ADARB1: variants seen among roughly 807,000 people sequenced by gnomAD.
ADARB1 encodes adenosine deaminase RNA specific B1, also known as double-stranded RNA-specific editase 1.
Under a neutral mutation model 52.4 loss-of-function variants are expected in ADARB1, and 10 were observed. The ratio of observed to expected loss-of-function variants is 0.19; its 90% CI spans 0.12 to 0.32. The LOEUF (loss-of-function observed/expected upper bound fraction) is 0.32. ADARB1 is among the 10% of genes least tolerant of loss of function. ADARB1 has a pLI of 1.00. For synonymous variants in ADARB1, 349 were observed against 371.1 expected, an observed-to-expected ratio of 0.94 and a Z score of 0.68; for missense variants, 643 against 922.3, an observed-to-expected ratio of 0.70 and a Z score of 3.92.
intron 2 of ADARB1, among the ~76,000 whole-genome samples, chr21:45,135,506 C>G (rs1435752189): frequency 1.3e-5 from 2 of 152,260 alleles, no homozygotes; most frequent in East Asian, 1.9e-4. Context: ...AGCAGGACCA[C>G]TGTGTGCTGC....
intron 1 of ADARB1, among the ~76,000 whole-genome samples, chr21:45,091,117 A>G (rs1045078909): frequency 6.6e-6 from 1 of 152,256 alleles, no homozygotes; most frequent in African/African-American, 2.4e-5. Flanking sequence ...TTAGCAGTGA[A>G]TGAAATAACT....
At chr21:45,214,769 G>C (rs946054196) in intron 9 of ADARB1, among the ~76,000 whole-genome samples, 1 of 152,200 alleles carries the variant, frequency 6.6e-6, no homozygotes, top group Non-Finnish European at 1.5e-5. Flanking sequence ...ACATTGTCAT[G>C]ATTACTATAG....
chr21:45,198,500 C>A (rs999163746), intron 8 of ADARB1, among the ~76,000 whole-genome samples: 4 of 145,316 alleles, frequency 2.8e-5, no homozygotes, highest in African/African-American at 1.0e-4. Flanking sequence ...AATTAAATCA[C>A]ACACACACAC....
chr21:45,139,930 A>ATT (rs2089619820), intron 2 of ADARB1, among the ~76,000 whole-genome samples: 1 of 119,130 alleles, frequency 8.4e-6, no homozygotes, highest in Admixed American at 1.0e-4. Context: ...AGACAATAAA[A>ATT]CTCTTTTTTT....
intron 1 of ADARB1, among the ~76,000 whole-genome samples, chr21:45,081,418 T>C (rs576256897): frequency 3.3e-5 from 5 of 152,376 alleles, no homozygotes; most frequent in African/African-American, 1.2e-4. Context: ...TTGCATGCGA[T>C]ATTAAGTACT....
intron 2 of ADARB1, among the ~76,000 whole-genome samples, chr21:45,159,711 T>C (rs2090861981): frequency 6.6e-6 from 1 of 152,110 alleles, no homozygotes; most frequent in Admixed American, 6.5e-5. Flanking sequence ...TCCTCTCCCA[T>C]TGCCAGCCTC....
chr21:45,096,950 A>G (rs1027281532), intron 1 of ADARB1, among the ~76,000 whole-genome samples: 11 of 152,166 alleles, frequency 7.2e-5, no homozygotes, highest in African/African-American at 2.4e-5. Flanking sequence ...CGTGTTAGTC[A>G]GGATGGTCTC....
chr21:45,226,446 G>A lies in ADARB1; in HGVS notation c.*4249G>A, dbSNP rs377315991. The A allele has an allele frequency of 6.6e-6, 1 of 152,616 alleles. No homozygotes were observed. The highest frequency in any genetic ancestry group is 1.5e-5 in the Non-Finnish European group (1 of 68,054). 9.5% of individuals were successfully genotyped at this position (152,616 alleles called of 1,614,324 possible). On this transcript the variant is annotated 3_prime_UTR_variant, in exon 11 of 11. Transcript: ENST00000348831. ...ATGTAAATCTGTGTATACACCACAC[G>A]TTACAACTGCATGAGCTTCCTCTCG...
chr21:45,081,017 C>A (rs2086130120), intron 1 of ADARB1, among the ~76,000 whole-genome samples: 1 of 152,136 alleles, frequency 6.6e-6, no homozygotes, highest in African/African-American at 2.4e-5. Flanking sequence ...TTCAGAACAC[C>A]CATCTTCTCA....
rs1055591865 is a variant in ADARB1 at position 45,221,814 on chromosome 21, G to T, written c.1927-204G>T. ...GCTGCCTGTTTGACCAGCAAGACTG[G>T]AACTTGGCAATAACTCAGCCCTTAG... On this transcript the variant is annotated intron_variant, in intron 10 of 10. Transcript: ENST00000348831. This position sits in a 1 kb window ranked among gnomAD's most constrained non-coding sequence, Gnocchi z 4.9. Among the ~76,000 whole-genome samples the T allele has an allele frequency of 6.6e-6, 1 of 152,202 alleles. No homozygotes were observed. The highest frequency in any genetic ancestry group is 6.5e-5 in the Admixed American group (1 of 15,282).
chr21:45,090,051 A>G (rs757823922), intron 1 of ADARB1, among the ~76,000 whole-genome samples: 4 of 152,116 alleles, frequency 2.6e-5, no homozygotes, highest in African/African-American at 4.8e-5. Context: ...ACATTACTCT[A>G]GTTGTTTTGT....
At position 45,204,795 on chromosome 21, in the gene ADARB1, C is replaced by A; in HGVS notation, c.1747+59C>A. 6.4e-7 allele frequency: 1 copy of A among 1,557,866 alleles called. No homozygotes were observed. The highest frequency in any genetic ancestry group is 8.8e-7 in the Non-Finnish European group (1 of 1,141,092). On this transcript the variant is annotated intron_variant, in intron 9 of 10. Transcript: ENST00000348831. This position sits in a 1 kb window ranked among gnomAD's most constrained non-coding sequence, Gnocchi z 4.4. ...TGTCTTGATTTTGCAATGTTTTCAT[C>A]CTCATGAATGAAAAAAACACCACCT...
chr21:45,206,049 A>T (rs1178629538), intron 9 of ADARB1, among the ~76,000 whole-genome samples: 1 of 152,242 alleles, frequency 6.6e-6, no homozygotes, highest in Non-Finnish European at 1.5e-5. Flanking sequence ...AAGAAAAACA[A>T]AATAGATAAA....
At chr21:45,091,629 G>C (rs538495226) in intron 1 of ADARB1, among the ~76,000 whole-genome samples, 2 of 152,320 alleles carry the variant, frequency 1.3e-5, no homozygotes, top group South Asian at 4.1e-4. Context: ...GGGTGACTGT[G>C]TCTTCTGGCA....
intron 2 of ADARB1, among the ~76,000 whole-genome samples, chr21:45,158,705 C>T (rs989849894): frequency 3.9e-5 from 6 of 152,210 alleles, no homozygotes; most frequent in African/African-American, 1.4e-4. Context: ...GGGTGTCCCT[C>T]TGCTTAGCAG....
intron 2 of ADARB1, among the ~76,000 whole-genome samples, chr21:45,165,790 G>A (rs907405205): frequency 1.2e-4 from 18 of 151,126 alleles, no homozygotes; most frequent in African/African-American, 4.4e-4. Context: ...GTATAGTAAA[G>A]AATGAACACG....
chr21:45,132,133 A>G (rs2088983561), intron 2 of ADARB1: 1 of 152,228 alleles, frequency 6.6e-6, no homozygotes, highest in African/African-American at 2.4e-5. Context: ...ATTCCAAAAG[A>G]TTACTGAAAT....
intron 1 of ADARB1, among the ~76,000 whole-genome samples, chr21:45,081,436 A>C (rs939463038): frequency 6.6e-6 from 1 of 152,212 alleles, no homozygotes; most frequent in Non-Finnish European, 1.5e-5. Context: ...ACTTTGTTAT[A>C]AAATAGGCTT....
intron 1 of ADARB1, among the ~76,000 whole-genome samples, chr21:45,105,465 TG>T (rs919753622): frequency 1.2e-4 from 19 of 152,242 alleles, no homozygotes; most frequent in Admixed American, 2.6e-4. Flanking sequence ...GGTTTCATTT[TG>T]GCCTAAGTAT....
Sources: gnomAD v4.1 joint callset for allele counts (sites outside exome capture counted in the v4.1 genomes callset) on GRCh38, gnomAD v4.1.1 for gene constraint, Gnocchi (gnomAD v3.1) non-coding constraint, MANE v1.5 for transcripts, NCBI Gene and HGNC (gene_info 2026-07-23, HGNC 2026-07-21) for gene names.